Variants in PLEKHA2 observed in about 807,000 individuals in gnomAD.
PLEKHA2 encodes the protein pleckstrin homology domain containing A2, also known as pleckstrin homology domain-containing family A member 2.
In PLEKHA2, 28 loss-of-function variants were observed where a neutral mutation model predicts 53.2. The ratio of observed to expected loss-of-function variants is 0.53; its 90% CI spans 0.39 to 0.72. The LOEUF is 0.72. PLEKHA2 is among the 30% of genes least tolerant of loss of function. The pLI, the probability that PLEKHA2 is intolerant of heterozygous loss-of-function variation, is 0.00. For synonymous variants in PLEKHA2, 193 were observed against 196.4 expected (o/e 0.98, Z 0.14); for missense variants, 426 against 537.9 (o/e 0.79, Z 2.06).
chr8:38,944,280 C>T (rs557796777), intron 4 of PLEKHA2, among the ~76,000 whole-genome samples: 11 of 151,972 alleles, frequency 7.2e-5, no homozygotes, highest in African/African-American at 2.2e-4. Context: ...GTTGGGAGGC[C>T]GAGGCGGGCA....
rs908561667 is a variant in PLEKHA2 at position 38,922,284 on chromosome 8, C to T, written c.141+4214C>T. Among the ~76,000 whole-genome samples the T allele has an allele frequency of 3.3e-5, 5 of 152,050 alleles. No homozygotes were observed. The highest frequency in any genetic ancestry group is 7.2e-5 in the African/African-American group (3 of 41,392). Reference sequence around the variant, plus strand: ...GGGAGGTCCTAGAAGGTAGGGCACTCGTGTGGCTTAGTTTTTTATCATAGT... The same window carrying T: ...GGGAGGTCCTAGAAGGTAGGGCACTTGTGTGGCTTAGTTTTTTATCATAGT... On this transcript the variant is annotated intron_variant, in intron 2 of 11. Transcript: ENST00000617275. This position sits in a 1 kb window ranked among gnomAD's most constrained non-coding sequence, Gnocchi z 4.0.
chr8:38,930,578 T>C (rs1162517944), intron 2 of PLEKHA2, among the ~76,000 whole-genome samples: 2 of 152,174 alleles, frequency 1.3e-5, no homozygotes, highest in Non-Finnish European at 2.9e-5. Flanking sequence ...GTCCACCAAA[T>C]GTACAGACCA....
intron 9 of PLEKHA2, among the ~76,000 whole-genome samples, chr8:38,954,521 T>A (rs543323887): frequency 6.6e-6 from 1 of 152,092 alleles, no homozygotes; most frequent in African/African-American, 2.4e-5. Context: ...CCTTGAACTT[T>A]CTCTAACTCT....
At chr8:38,965,993 C>G (rs11986341) in intron 10 of PLEKHA2, among the ~76,000 whole-genome samples, 30,209 of 151,964 alleles carry the variant, frequency 0.2, 3,201 homozygotes, top group South Asian at 0.29. Flanking sequence ...TCTTTTTGGA[C>G]AAAGGATGGG....
At position 38,968,574 on chromosome 8, in the gene PLEKHA2, G is replaced by T. The variant is rs750569842; in HGVS notation, c.838-18G>T. 6.2e-7 allele frequency: 1 copy of T among 1,613,632 alleles called. No homozygotes were observed. The highest frequency in any genetic ancestry group is 1.1e-5 in the South Asian group (1 of 91,032). On this transcript the variant is annotated intron_variant, in intron 10 of 11. Transcript: ENST00000617275. ...TAGTGCCTAAAATTTCTTGGTAAGA[G>T]CCATGGATGTTTTGCAGGCAGACAG...
At chr8:38,928,241 T>A (rs908408105) in intron 2 of PLEKHA2, among the ~76,000 whole-genome samples, 9 of 145,316 alleles carry the variant, frequency 6.2e-5, no homozygotes, top group Non-Finnish European at 4.6e-5. Flanking sequence ...CTGGTCTTTT[T>A]TTTTTTTTTT....
chr8:38,952,398 T>C, intron 7 of PLEKHA2, 86 bp downstream of exon 7: 2 of 1,519,116 alleles, frequency 1.3e-6, no homozygotes, highest in Non-Finnish European at 1.8e-6. Context: ...GAGAGGGGAT[T>C]GACAGGAGGT....
At chr8:38,954,260 G>A (rs1009959341) in intron 9 of PLEKHA2, among the ~76,000 whole-genome samples, 5 of 152,328 alleles carry the variant, frequency 3.3e-5, no homozygotes, top group East Asian at 1.9e-4. Flanking sequence ...GCACTCTCCC[G>A]AGTCTTGCAA....
At chr8:38,956,299 A>T (rs1834938948) in intron 9 of PLEKHA2, among the ~76,000 whole-genome samples, 1 of 152,174 alleles carries the variant, frequency 6.6e-6, no homozygotes, top group Non-Finnish European at 1.5e-5. Flanking sequence ...ACCCACACCC[A>T]GCAGTGTCCC....
At chr8:38,929,342 G>A (rs1447963002) in intron 2 of PLEKHA2, among the ~76,000 whole-genome samples, 1 of 152,246 alleles carries the variant, frequency 6.6e-6, no homozygotes, top group African/African-American at 2.4e-5. Flanking sequence ...AGAGCCAGTT[G>A]GACAAGTTCC....
At position 38,967,409 on chromosome 8, in the gene PLEKHA2, G is replaced by A. The variant is rs117049220; in HGVS notation, c.838-1183G>A. On this transcript the variant is annotated intron_variant, in intron 10 of 11. Coordinates refer to ENST00000617275, the MANE Select transcript of PLEKHA2 (RefSeq NM_021623.2). Reference sequence around the variant, plus strand: ...GACCTGAATGGTAGTTCTATTTTTAGTTCTTTGAGAAATCTCTCTACTCCT... The same window carrying A: ...GACCTGAATGGTAGTTCTATTTTTAATTCTTTGAGAAATCTCTCTACTCCT... Among the ~76,000 whole-genome samples, 98 of 152,220 alleles carry A rather than the reference G, an allele frequency of 6.4e-4. No homozygotes were observed. In the East Asian group the frequency reaches 0.018, roughly 28 times the overall value.
chr8:38,940,093 T>TAA lies in PLEKHA2; in HGVS notation c.199-3676_199-3675dup, dbSNP rs71216698. Among the ~76,000 whole-genome samples, 287 of 106,614 alleles carry TAA rather than the reference T, an allele frequency of 2.7e-3. 2 individuals are homozygous for TAA. Among genetic ancestry groups the TAA allele is most frequent in the African/African-American group, 9.5e-3 (254 of 26,744 alleles). The allele number at this position is 106,614 out of a possible 152,430, so 69.9% of individuals were successfully genotyped here. A position where few individuals can be genotyped will look rare whatever the true frequency, so the allele number is the denominator to read the frequency against. ...TGAGACAGAGTGAGACCCTATCTCTTAAAAAAAAAAAAAAAAAAAAAGGGC... is the reference window on the plus strand; with the variant it reads ...TGAGACAGAGTGAGACCCTATCTCTTAAAAAAAAAAAAAAAAAAAAAAAGGGC... On this transcript the variant is annotated intron_variant, in intron 3 of 11. Coordinates refer to ENST00000617275, the MANE Select transcript of PLEKHA2 (RefSeq NM_021623.2).
chr8:38,908,986 T>A (rs1236468723), intron 1 of PLEKHA2, among the ~76,000 whole-genome samples: 4 of 151,966 alleles, frequency 2.6e-5, no homozygotes, highest in Non-Finnish European at 5.9e-5. Flanking sequence ...CTACTAAAAA[T>A]ACAAAAATCA....
intron 10 of PLEKHA2, among the ~76,000 whole-genome samples, chr8:38,958,005 GTGGTGATGC>G (rs1834972494): frequency 6.6e-6 from 1 of 152,172 alleles, no homozygotes; most frequent in Non-Finnish European, 1.5e-5. Flanking sequence ...TCGCAGCCCC[GTGGTGATGC>G]TGGACTTTTA....
At chr8:38,950,800 G>A in intron 5 of PLEKHA2, 50 bp from the exon 6 acceptor site, 1 of 1,579,942 alleles carries the variant, frequency 6.3e-7, no homozygotes. Context: ...GGCTCCCCAT[G>A]TTTCCTAAAT....
chr8:38,965,356 C>T (rs935377768), intron 10 of PLEKHA2, among the ~76,000 whole-genome samples: 3 of 152,076 alleles, frequency 2.0e-5, no homozygotes, highest in East Asian at 1.9e-4. Flanking sequence ...TTTGACATGA[C>T]GGAGAGCATT....
rs537145455 is a variant in PLEKHA2, at chr8:38,956,125, T to C, written c.774-1198T>C. Reference sequence around the variant, plus strand: ...CTGGCCCTTATGTTCTTTCACTGGGTAGGAATTAGATCTTTTACTCCTTAT... The same window carrying C: ...CTGGCCCTTATGTTCTTTCACTGGGCAGGAATTAGATCTTTTACTCCTTAT... On this transcript the variant is annotated intron_variant, in intron 9 of 11. Transcript: ENST00000617275. Among the ~76,000 whole-genome samples, 5 of 152,264 alleles carry C rather than the reference T, an allele frequency of 3.3e-5. No individual in the cohort carries two copies. The East Asian group carries it at 9.7e-4, about 29-fold the overall frequency.
chr8:38,943,862 C>G lies in PLEKHA2; in HGVS notation c.247+25C>G, dbSNP rs142276953. On this transcript the variant is annotated intron_variant, in intron 4 of 11. Coordinates refer to ENST00000617275, the MANE Select transcript of PLEKHA2 (RefSeq NM_021623.2). ...GGTAAGTACTGAGCCAGGGGAGGGA[C>G]TCATTTAATATTGACATGGCAACTT... 5.3e-4 allele frequency: 819 copies of G among 1,553,054 alleles called. 1 individual carries two copies. Among genetic ancestry groups the G allele is most frequent in the Middle Eastern group, 3.0e-3 (18 of 5,962 alleles).
intron 2 of PLEKHA2, among the ~76,000 whole-genome samples, chr8:38,931,746 C>T (rs1445426480): frequency 1.3e-5 from 2 of 152,278 alleles, no homozygotes; most frequent in African/African-American, 4.8e-5. Flanking sequence ...TAAGATCCTA[C>T]TCATGACCTT....
Sources: allele counts gnomAD v4.1 joint callset (sites outside exome capture counted in the v4.1 genomes callset), GRCh38; gene constraint gnomAD v4.1.1; non-coding constraint Gnocchi (gnomAD v3.1); transcripts MANE v1.5; gene names NCBI Gene and HGNC (gene_info 2026-07-23, HGNC 2026-07-21).